Variants in ADK observed in about 807,000 individuals in gnomAD.
The protein encoded by ADK is N6,N6-dimethyladenosine kinase.
ADK carries 24 observed loss-of-function variants against 44.7 expected under a neutral mutation model. The observed-to-expected ratio is 0.54, with a 90% CI of 0.39 to 0.76. The LOEUF is 0.76. Among genes scored for constraint, ADK ranks in the 30% least tolerant of loss-of-function variants. The pLI, the probability that ADK is intolerant of heterozygous loss-of-function variation, is 0.00. For synonymous variants in ADK, 128 were observed against 142.6 expected (o/e 0.90, Z 0.73); for missense variants, 321 against 425.1 (o/e 0.76, Z 2.15).
intron 9 of ADK, among the ~76,000 whole-genome samples, chr10:74,613,655 A>G (rs1589298202): frequency 6.6e-6 from 1 of 152,148 alleles, no homozygotes; most frequent in East Asian, 1.9e-4. Context: ...ATGTTCTATG[A>G]AAACACTCAA....
rs1842130795 is a variant in ADK at position 74,356,011 on chromosome 10, T to TTTTG, written c.274-38127_274-38126insGTTT. ...TTTCACTAAATAATTCATTTTTTTT[T>TTTTG]TTTTTTTTTTTTTTTTTTGAGACGG... On this transcript the variant is annotated intron_variant, in intron 4 of 10. Transcript: ENST00000539909. Among the ~76,000 whole-genome samples, 3 of 130,148 alleles carry TTTTG rather than the reference T, an allele frequency of 2.3e-5. No individual in the cohort carries two copies. In the South Asian group the frequency reaches 7.9e-4, roughly 34 times the overall value. 85.4% of individuals were successfully genotyped at this position (130,148 alleles called of 152,430 possible).
intron 6 of ADK, among the ~76,000 whole-genome samples, chr10:74,399,563 A>C (rs1476607445): frequency 3.3e-5 from 5 of 151,924 alleles, no homozygotes; most frequent in Non-Finnish European, 7.4e-5. Context: ...AAGTTATGCT[A>C]TCTTTTCTGC....
chr10:74,688,305 T>G (rs756650814), intron 10 of ADK, among the ~76,000 whole-genome samples: 14 of 152,232 alleles, frequency 9.2e-5, no homozygotes, highest in Non-Finnish European at 2.1e-4. Context: ...ACTTATTTGT[T>G]TACTTGTTTT....
At chr10:74,207,762 C>A (rs1843654847) in intron 2 of ADK, among the ~76,000 whole-genome samples, 1 of 152,114 alleles carries the variant, frequency 6.6e-6, no homozygotes, top group South Asian at 2.1e-4. Flanking sequence ...CTCAGTGGAC[C>A]CCACCTGGAA....
chr10:74,271,713 T>C (rs1027614794), intron 3 of ADK, among the ~76,000 whole-genome samples: 2 of 150,892 alleles, frequency 1.3e-5, no homozygotes, highest in Non-Finnish European at 2.9e-5. Context: ...ATTTCCAATT[T>C]CATCCATGTC....
chr10:74,316,013 G>C, intron 4 of ADK, among the ~76,000 whole-genome samples: 1 of 152,066 alleles, frequency 6.6e-6, no homozygotes, highest in Non-Finnish European at 1.5e-5. Flanking sequence ...CGAGGTGGAC[G>C]GATCACTTGA....
At chr10:74,419,333 A>C (rs1384038425) in intron 6 of ADK, among the ~76,000 whole-genome samples, 1 of 152,160 alleles carries the variant, frequency 6.6e-6, no homozygotes, top group Non-Finnish European at 1.5e-5. Flanking sequence ...CCCCCCCCCA[A>C]AAATCCCTTA....
At chr10:74,655,291 C>A in intron 9 of ADK, 1 of 465,798 alleles carries the variant, frequency 2.1e-6, no homozygotes, top group African/African-American at 2.0e-5. Flanking sequence ...GAGAAGGGCC[C>A]AGCTGAAATG....
intron 6 of ADK, among the ~76,000 whole-genome samples, chr10:74,408,219 C>T (rs1252854145): frequency 1.3e-5 from 2 of 151,134 alleles, no homozygotes; most frequent in Non-Finnish European, 2.9e-5. Flanking sequence ...TCTTGAACTC[C>T]TGACCTCAAG....
intron 4 of ADK, among the ~76,000 whole-genome samples, chr10:74,352,262 A>G (rs1841985890): frequency 6.6e-6 from 1 of 152,226 alleles, no homozygotes; most frequent in Non-Finnish European, 1.5e-5. Context: ...GGCCTCAGAA[A>G]TAATACCACA....
At chr10:74,269,287 A>G (rs1402270249) in intron 3 of ADK, among the ~76,000 whole-genome samples, 1 of 152,204 alleles carries the variant, frequency 6.6e-6, no homozygotes, top group Non-Finnish European at 1.5e-5. Flanking sequence ...CTAACAATAC[A>G]TATGAAACTC....
chr10:74,666,709 T>C (rs2134185476), intron 9 of ADK, among the ~76,000 whole-genome samples: 1 of 152,292 alleles, frequency 6.6e-6, no homozygotes, highest in East Asian at 1.9e-4. Context: ...ATTGGTTGAA[T>C]AACGTCCTTA....
chr10:74,400,889 C>A (rs1283637438), intron 6 of ADK, among the ~76,000 whole-genome samples: 1 of 152,084 alleles, frequency 6.6e-6, no homozygotes, highest in Non-Finnish European at 1.5e-5. Flanking sequence ...AAGAAAATTC[C>A]AAACCTTCTT....
chr10:74,681,685 C>G lies in ADK; in HGVS notation c.964+11416C>G, dbSNP rs2134234909. On this transcript the variant is annotated intron_variant, in intron 10 of 10. Coordinates refer to ENST00000539909, the MANE Select transcript of ADK (RefSeq NM_006721.4). ...ACAACATGGTGAAACCCCGCCTCTA[C>G]TAAAAACACAAAAAATTAGCCAAGC... 2.6e-5 allele frequency among the ~76,000 whole-genome samples: 4 copies of G among 152,024 alleles called. No homozygotes were observed. In the East Asian group the frequency reaches 7.7e-4, roughly 29 times the overall value.
intron 2 of ADK, among the ~76,000 whole-genome samples, chr10:74,201,646 ATG>A (rs1491329085): frequency 0.073 from 7,743 of 105,410 alleles, 352 homozygotes; most frequent in Non-Finnish European, 0.093. Flanking sequence ...GTGTGTGTAT[ATG>A]TATGTATGTA....
chr10:74,487,162 G>T (rs1188931656), intron 6 of ADK, among the ~76,000 whole-genome samples: 1 of 151,986 alleles, frequency 6.6e-6, no homozygotes, highest in Non-Finnish European at 1.5e-5. Context: ...AAAAAATAAT[G>T]CAGTTAAATA....
chr10:74,217,250 C>T (rs1300016685), intron 2 of ADK, among the ~76,000 whole-genome samples: 2 of 152,224 alleles, frequency 1.3e-5, no homozygotes, highest in African/African-American at 4.8e-5. Context: ...CCTACGCCCA[C>T]GGAGTCTTGC....
intron 4 of ADK, among the ~76,000 whole-genome samples, chr10:74,376,816 T>A (rs997382513): frequency 7.9e-5 from 12 of 151,464 alleles, no homozygotes; most frequent in African/African-American, 2.9e-4. Flanking sequence ...GACCTTTTTT[T>A]AAAAGAGAAA....
chr10:74,422,360 G>A lies in ADK; in HGVS notation c.555+23781G>A, dbSNP rs533399710. Among the ~76,000 whole-genome samples the A allele has an allele frequency of 5.3e-5, 8 of 152,334 alleles. No homozygotes were observed. The East Asian group carries it at 1.2e-3, about 22-fold the overall frequency. On this transcript the variant is annotated intron_variant, in intron 6 of 10. Coordinates refer to ENST00000539909, the MANE Select transcript of ADK (RefSeq NM_006721.4). Reference sequence around the variant, plus strand: ...ACTATGAACATCTCACTGACAAGAAGAGACTACAGAGTCATGACAACTAAA... The same window carrying A: ...ACTATGAACATCTCACTGACAAGAAAAGACTACAGAGTCATGACAACTAAA...
Sources: allele counts gnomAD v4.1 joint callset (sites outside exome capture counted in the v4.1 genomes callset), GRCh38; gene constraint gnomAD v4.1.1; transcripts MANE v1.5; gene names NCBI Gene and HGNC (gene_info 2026-07-23, HGNC 2026-07-21).